The following NOL10 variants were observed in gnomAD, a reference collection of about 807,000 sequenced individuals.
NOL10 encodes the protein nucleolar protein 10.
In NOL10, 58 loss-of-function variants were observed where a neutral mutation model predicts 103.5. The ratio of observed to expected loss-of-function variants is 0.56; its 90% CI spans 0.45 to 0.70. The LOEUF (loss-of-function observed/expected upper bound fraction) is 0.70, where lower values mean the gene tolerates loss of function less well. NOL10 is among the 30% of genes least tolerant of loss of function. The probability of loss-of-function intolerance (pLI) is 0.00; values close to 1 mark genes in which losing one functional copy is unlikely to be tolerated. For synonymous variants in NOL10, 287 were observed against 282.5 expected (o/e 1.02, Z -0.16); for missense variants, 763 against 807.3 (o/e 0.95, Z 0.67).
At chr2:10,613,652 C>T (rs997305925) in intron 13 of NOL10, among the ~76,000 whole-genome samples, 3 of 152,166 alleles carry the variant, frequency 2.0e-5, no homozygotes, top group Non-Finnish European at 4.4e-5. Flanking sequence ...TTTCAGTGAT[C>T]TTATACTATT....
At chr2:10,669,430 GGTAT>G (rs1313505678) in intron 6 of NOL10, among the ~76,000 whole-genome samples, 1 of 136,910 alleles carries the variant, frequency 7.3e-6, no homozygotes, top group East Asian at 2.1e-4. Context: ...TTCTAAAATG[GGTAT>G]GTATTTGTAT....
rs1246149737 is a variant in NOL10 at position 10,684,597 on chromosome 2, T to C, written c.82A>G (p.Lys28Glu). 3 of 1,572,076 alleles carry C rather than the reference T, an allele frequency of 1.9e-6. No homozygotes were observed. The highest frequency in any genetic ancestry group is 3.7e-5 in the Admixed American group (2 of 53,684). Residue 28 changes from lysine to glutamate, a missense_variant, in exon 2 of 21, where the codon AAG (lysine) becomes GAG (glutamate). Lys to Glu is a moderately conservative substitution (Grantham distance 56). Coordinates refer to ENST00000381685, the MANE Select transcript of NOL10 (RefSeq NM_024894.4). ...TCTTTCTTCTGTAGCGCTCTCTTCT[T>C]CCTATCAGAAAGCCACTTAAAGAAA... ...KSLPEWLSDRKKRALQKKDVD... is the reference protein window; with the variant it reads ...KSLPEWLSDREKRALQKKDVD...
At chr2:10,604,219 C>T (rs1676130749) in intron 14 of NOL10, among the ~76,000 whole-genome samples, 1 of 152,120 alleles carries the variant, frequency 6.6e-6, no homozygotes, top group Non-Finnish European at 1.5e-5. Flanking sequence ...CATAGGCCAC[C>T]CACCAACTGG....
At chr2:10,631,717 G>GTT (rs35958352) in intron 13 of NOL10, among the ~76,000 whole-genome samples, 4 of 141,790 alleles carry the variant, frequency 2.8e-5, no homozygotes, top group Non-Finnish European at 4.7e-5. Flanking sequence ...TGTTCTCCCT[G>GTT]TTTTTTTTTT....
intron 13 of NOL10, among the ~76,000 whole-genome samples, chr2:10,639,162 C>T (rs916110370): frequency 6.6e-6 from 1 of 151,918 alleles, no homozygotes; most frequent in East Asian, 2.0e-4. Context: ...GTGGCTCACA[C>T]CTGTAATCCC....
At chr2:10,680,033 G>A (rs1039975341) in intron 3 of NOL10, among the ~76,000 whole-genome samples, 3 of 152,060 alleles carry the variant, frequency 2.0e-5, no homozygotes, top group African/African-American at 7.2e-5. Context: ...CCAGCACTTT[G>A]GAAGGGCGAG....
rs948604504 is a variant in NOL10, at chr2:10,628,908, G to T, written c.1026+15412C>A. ...TCACTGGAGCCATCCTAAATGCATG[G>T]GGGAGAAGGTAATTGATCACATAAA... On this transcript the variant is annotated intron_variant, in intron 13 of 20. Transcript: ENST00000381685. 5.3e-5 allele frequency among the ~76,000 whole-genome samples: 8 copies of T among 152,176 alleles called. No homozygotes were observed. The East Asian group carries it at 1.5e-3, about 29-fold the overall frequency.
At chr2:10,677,471 T>G (rs545492834) in intron 3 of NOL10, among the ~76,000 whole-genome samples, 48 of 151,638 alleles carry the variant, frequency 3.2e-4, no homozygotes, top group African/African-American at 9.9e-4. Context: ...TTGGTGTTTT[T>G]TTTTTTTTTC....
intron 4 of NOL10, among the ~76,000 whole-genome samples, chr2:10,674,455 G>A (rs527584127): frequency 6.6e-6 from 1 of 152,056 alleles, no homozygotes; most frequent in African/African-American, 2.4e-5. Context: ...TGAGAGTGTG[G>A]GTAGAAACTG....
intron 13 of NOL10, among the ~76,000 whole-genome samples, chr2:10,629,721 T>C (rs995954351): frequency 2.0e-5 from 3 of 152,226 alleles, no homozygotes; most frequent in African/African-American, 7.2e-5. Flanking sequence ...ATCTATATCT[T>C]AAGTGATTAT....
chr2:10,623,786 T>C (rs553449461), intron 13 of NOL10, among the ~76,000 whole-genome samples: 1 of 152,362 alleles, frequency 6.6e-6, no homozygotes, highest in Admixed American at 6.5e-5. Flanking sequence ...GTGTGTCATT[T>C]TCATGACTGA....
rs5829273 is a variant in NOL10 at position 10,671,409 on chromosome 2, C to CTTTT, written c.464+141_464+144dup. 14 of 458,772 alleles carry CTTTT rather than the reference C, an allele frequency of 3.1e-5. No homozygotes were observed. In the South Asian group the frequency reaches 3.1e-4, roughly 10 times the overall value. 28.4% of individuals were successfully genotyped at this position (458,772 alleles called of 1,614,324 possible). A position where few individuals can be genotyped will look rare whatever the true frequency, so the allele number is the denominator to read the frequency against. On this transcript the variant is annotated intron_variant, in intron 6 of 20. Coordinates refer to ENST00000381685, the MANE Select transcript of NOL10 (RefSeq NM_024894.4). ...TTTTGCCTATCCTGTGTTTTCTTTT[C>CTTTT]TTTTTTTTTTTTTTTTTACAAGAGC...
intron 19 of NOL10, among the ~76,000 whole-genome samples, chr2:10,587,138 C>CATATATATACATATAT (rs1553296146): frequency 6.3e-5 from 1 of 15,836 alleles, no homozygotes; most frequent in African/African-American, 3.5e-4. Context: ...TACATATATA[C>CATATATATACATATAT]ACATATATAT....
At chr2:10,680,222 A>C (rs890868928) in intron 3 of NOL10, among the ~76,000 whole-genome samples, 13 of 151,948 alleles carry the variant, frequency 8.6e-5, no homozygotes, top group African/African-American at 3.1e-4. Context: ...GGTTGCAGTC[A>C]GCCAAAATCA....
At chr2:10,609,064 AC>A (rs577565878) in intron 13 of NOL10, among the ~76,000 whole-genome samples, 332 of 152,232 alleles carry the variant, frequency 2.2e-3, no homozygotes, top group African/African-American at 7.6e-3. Flanking sequence ...CTTGAAGTCA[AC>A]AACTAAATGC....
chr2:10,589,151 C>G lies in NOL10; in HGVS notation c.1736G>C (p.Arg579Pro). Reference sequence around the variant, plus strand: ...GACTGTCTGCTGGTCCTCCTTGAGTCGTTCCTGCCGCTTCACTTTTTCCTC... The same window carrying G: ...GACTGTCTGCTGGTCCTCCTTGAGTGGTTCCTGCCGCTTCACTTTTTCCTC... Reference protein sequence around the residue: ...QQEEKVKRQERLKEDQQTVLK... With the variant: ...QQEEKVKRQEPLKEDQQTVLK... The change falls in exon 19 of 21, where the codon CGA (arginine) becomes CCA (proline). Residue 579 changes from arginine to proline, a missense_variant. Transcript: ENST00000381685. 1 of 1,613,986 alleles carries G rather than the reference C, an allele frequency of 6.2e-7. No individual in the cohort carries two copies. Among genetic ancestry groups the G allele is most frequent in the South Asian group, 1.1e-5 (1 of 91,068 alleles).
chr2:10,646,060 T>C (rs540510273), intron 12 of NOL10, among the ~76,000 whole-genome samples: 4 of 152,168 alleles, frequency 2.6e-5, no homozygotes, highest in East Asian at 1.9e-4. Context: ...CTGTTTTTCA[T>C]AGCTTGTAAC....
chr2:10,649,752 G>T (rs1291879155), intron 12 of NOL10, among the ~76,000 whole-genome samples: 4 of 152,046 alleles, frequency 2.6e-5, no homozygotes, highest in African/African-American at 9.7e-5. Context: ...CAGCCCCCCT[G>T]GTCACTGTTA....
chr2:10,678,630 C>G (rs1243777478), intron 3 of NOL10, among the ~76,000 whole-genome samples: 1 of 152,130 alleles, frequency 6.6e-6, no homozygotes, highest in Non-Finnish European at 1.5e-5. Context: ...CTTAGATAAT[C>G]TATTTCCCCA....
Sources: allele counts gnomAD v4.1 joint callset (sites outside exome capture counted in the v4.1 genomes callset), GRCh38; gene constraint gnomAD v4.1.1; transcripts MANE v1.5; gene names NCBI Gene and HGNC (gene_info 2026-07-23, HGNC 2026-07-21).